Variants in PLCL1 observed in about 807,000 individuals in gnomAD.
The protein encoded by PLCL1 is phospholipase C like 1 (inactive), also known as inactive phospholipase C-like protein 1.
In PLCL1, 41 loss-of-function variants were observed where a neutral mutation model predicts 84.4. That is an observed-to-expected ratio of 0.49 (90% CI 0.38 to 0.63). The LOEUF (loss-of-function observed/expected upper bound fraction) is 0.63, where lower values mean the gene tolerates loss of function less well. Ranked by LOEUF, PLCL1 falls within the 30% of genes least tolerant of loss-of-function variation. The probability of loss-of-function intolerance (pLI) is 0.00; values close to 1 mark genes in which losing one functional copy is unlikely to be tolerated. For missense variants in PLCL1, 1,206 were observed against 1,367.8 expected, an observed-to-expected ratio of 0.88 and a Z score of 1.87; for synonymous variants, 490 against 488.3, an observed-to-expected ratio of 1.00 and a Z score of -0.05.
chr2:198,007,908 C>A (rs1331176922), intron 1 of PLCL1, among the ~76,000 whole-genome samples: 1 of 152,030 alleles, frequency 6.6e-6, no homozygotes, highest in Non-Finnish European at 1.5e-5. Flanking sequence ...ATATGCCACC[C>A]AAACCTAGGC....
rs141163022 is a variant in PLCL1, at chr2:198,036,972, A to T, written c.241-46786A>T. 3.6e-3 allele frequency among the ~76,000 whole-genome samples: 553 copies of T among 152,280 alleles called. 2 individuals are homozygous for T. Among genetic ancestry groups the T allele is most frequent in the Non-Finnish European group, 4.9e-3 (333 of 68,008 alleles). ...CCAGTGGGCAATGCCAAATCTTCTT[A>T]AATCAACAGGTGGACACTGGGCCAT... On this transcript the variant is annotated intron_variant, in intron 1 of 5. Transcript: ENST00000428675.
chr2:197,909,998 C>T (rs924519953), intron 1 of PLCL1, among the ~76,000 whole-genome samples: 1 of 152,168 alleles, frequency 6.6e-6, no homozygotes, highest in Non-Finnish European at 1.5e-5. Flanking sequence ...GAATCTTTGA[C>T]TTTGGTCAAA....
intron 1 of PLCL1, among the ~76,000 whole-genome samples, chr2:198,057,273 G>A (rs1692090810): frequency 6.6e-6 from 1 of 152,032 alleles, no homozygotes; most frequent in Non-Finnish European, 1.5e-5. Context: ...TCTGGGGAAC[G>A]AGGCATCCTA....
intron 1 of PLCL1, among the ~76,000 whole-genome samples, chr2:197,981,150 A>G (rs2105804876): frequency 6.6e-6 from 1 of 152,330 alleles, no homozygotes; most frequent in African/African-American, 2.4e-5. Context: ...TTCACCTACA[A>G]CCAATCAAAC....
At chr2:198,090,043 A>G (rs951365975) in intron 3 of PLCL1, among the ~76,000 whole-genome samples, 1 of 152,182 alleles carries the variant, frequency 6.6e-6, no homozygotes, top group African/African-American at 2.4e-5. Context: ...ACAATTTAAA[A>G]TGCTTACGAG....
At chr2:198,015,050 A>G (rs138495910) in intron 1 of PLCL1, among the ~76,000 whole-genome samples, 337 of 152,232 alleles carry the variant, frequency 2.2e-3, no homozygotes, top group Non-Finnish European at 3.5e-3. Flanking sequence ...TTTCCTTGAC[A>G]CTTACATGTT....
At chr2:198,071,258 T>G (rs1692458048) in intron 1 of PLCL1, among the ~76,000 whole-genome samples, 1 of 151,932 alleles carries the variant, frequency 6.6e-6, no homozygotes, top group African/African-American at 2.4e-5. Context: ...AGTTTATTAG[T>G]TTATACTTAC....
At chr2:198,033,234 A>G (rs1691467605) in intron 1 of PLCL1, among the ~76,000 whole-genome samples, 1 of 152,234 alleles carries the variant, frequency 6.6e-6, no homozygotes, top group Non-Finnish European at 1.5e-5. Flanking sequence ...TACCAAGAGC[A>G]GCATTAGCAC....
intron 5 of PLCL1, among the ~76,000 whole-genome samples, chr2:198,144,830 G>A (rs1331658435): frequency 1.3e-5 from 2 of 152,108 alleles, no homozygotes; most frequent in Non-Finnish European, 2.9e-5. Flanking sequence ...ATGAATAGGA[G>A]TCTCTAGGGT....
At chr2:197,857,559 C>T (rs904773968) in intron 1 of PLCL1, among the ~76,000 whole-genome samples, 1 of 152,136 alleles carries the variant, frequency 6.6e-6, no homozygotes, top group Admixed American at 6.6e-5. Context: ...TGCAAACAAG[C>T]AGTCTATTTA....
chr2:197,884,845 A>G (rs1463008688), intron 1 of PLCL1, among the ~76,000 whole-genome samples: 1 of 152,060 alleles, frequency 6.6e-6, no homozygotes, highest in Non-Finnish European at 1.5e-5. Flanking sequence ...GTTGCTTTCC[A>G]CAGATCACTG....
At chr2:197,825,950 C>G (rs1274632163) in intron 1 of PLCL1, among the ~76,000 whole-genome samples, 4 of 152,198 alleles carry the variant, frequency 2.6e-5, no homozygotes, top group Non-Finnish European at 5.9e-5. Context: ...ATCCATTTAT[C>G]TAGCAGTTCC....
chr2:198,087,780 C>A (rs1692920532), intron 2 of PLCL1, among the ~76,000 whole-genome samples: 2 of 152,124 alleles, frequency 1.3e-5, no homozygotes, highest in Non-Finnish European at 1.5e-5. Context: ...TGTATCAAGA[C>A]TTTTCATGTA....
rs760577848 is a variant in PLCL1 at position 197,983,200 on chromosome 2, C to CTTTTTT, written c.241-100524_241-100519dup. The stretch of plus-strand genomic sequence containing the variant: ...TTTCTTTTTCTTTTTCTTTTCTTTT[C>CTTTTTT]TTTTTTTTTTTTTTTTTTTTTTTTT... On this transcript the variant is annotated intron_variant, in intron 1 of 5. Coordinates refer to ENST00000428675, the MANE Select transcript of PLCL1 (RefSeq NM_006226.4). Among the ~76,000 whole-genome samples the CTTTTTT allele has an allele frequency of 1.9e-3, 115 of 60,270 alleles. 11 individuals are homozygous for CTTTTTT. Among genetic ancestry groups the CTTTTTT allele is most frequent in the Middle Eastern group, 0.012 (1 of 86 alleles). 39.5% of individuals were successfully genotyped at this position (60,270 alleles called of 152,430 possible). A position where few individuals can be genotyped will look rare whatever the true frequency, so the allele number is the denominator to read the frequency against.
At chr2:198,036,208 G>T (rs555198217) in intron 1 of PLCL1, among the ~76,000 whole-genome samples, 6 of 152,198 alleles carry the variant, frequency 3.9e-5, no homozygotes, top group African/African-American at 1.4e-4. Flanking sequence ...GCACACAATT[G>T]CCTTGGTCAA....
intron 1 of PLCL1, among the ~76,000 whole-genome samples, chr2:197,917,955 A>G (rs1294616940): frequency 6.6e-6 from 1 of 152,228 alleles, no homozygotes; most frequent in African/African-American, 2.4e-5. Context: ...CGCCACCCCA[A>G]ATAAAATAGA....
chr2:198,027,980 T>C, intron 1 of PLCL1, among the ~76,000 whole-genome samples: 1 of 152,062 alleles, frequency 6.6e-6, no homozygotes, highest in Non-Finnish European at 1.5e-5. Flanking sequence ...ACTACAGTTA[T>C]GCACTACCAT....
intron 5 of PLCL1, among the ~76,000 whole-genome samples, chr2:198,146,180 A>G (rs1216342836): frequency 2.0e-5 from 3 of 152,152 alleles, no homozygotes; most frequent in African/African-American, 7.2e-5. Context: ...TCCATCTGCC[A>G]GGTGGGAACA....
At position 197,908,705 on chromosome 2, in the gene PLCL1, G is replaced by A. The variant is rs79901163; in HGVS notation, c.240+103366G>A. Among the ~76,000 whole-genome samples, 511 of 152,030 alleles carry A rather than the reference G, an allele frequency of 3.4e-3. 8 individuals carry two copies. The highest frequency in any genetic ancestry group is 0.012 in the African/African-American group (489 of 41,452). ...TTTCCTAATCATGTCTTTATTTAAT[G>A]ACATTTAATATCCTAACTTAAAAAA... On this transcript the variant is annotated intron_variant, in intron 1 of 5. Transcript: ENST00000428675.
Sources: allele counts gnomAD v4.1 joint callset (sites outside exome capture counted in the v4.1 genomes callset), GRCh38; gene constraint gnomAD v4.1.1; transcripts MANE v1.5; gene names NCBI Gene and HGNC (gene_info 2026-07-23, HGNC 2026-07-21).